CACNA2D2: variants seen among roughly 807,000 people sequenced by gnomAD.
The protein encoded by CACNA2D2 is calcium voltage-gated channel auxiliary subunit alpha2delta 2, also known as voltage-dependent calcium channel subunit alpha-2/delta-2.
CACNA2D2 carries 48 observed loss-of-function variants against 166.4 expected under a neutral mutation model. That is an observed-to-expected ratio of 0.29 (90% CI 0.23 to 0.37). CACNA2D2 has a LOEUF of 0.37. Among genes scored for constraint, CACNA2D2 ranks in the 10% least tolerant of loss-of-function variants. The probability of loss-of-function intolerance (pLI) is 1.00; values close to 1 mark genes in which losing one functional copy is unlikely to be tolerated. For synonymous variants in CACNA2D2, 561 were observed against 573.7 expected, an observed-to-expected ratio of 0.98 and a Z score of 0.32; for missense variants, 1,122 against 1,433.0, an observed-to-expected ratio of 0.78 and a Z score of 3.50.
At position 50,379,944 on chromosome 3, in the gene CACNA2D2, C is replaced by T. The variant is rs1189215929; in HGVS notation, c.893+24G>A. On this transcript the variant is annotated intron_variant, in intron 9 of 37. Transcript: ENST00000424201. This position sits in a 1 kb window ranked among gnomAD's most constrained non-coding sequence, Gnocchi z 6.5. ...CCATTGCCCGTCCCTGCCCCAGCCC[C>T]ACTTGCCAGCACTGCTCACTCACAC... 6.2e-7 allele frequency: 1 copy of T among 1,614,058 alleles called. No homozygotes were observed. The highest frequency in any genetic ancestry group is 8.5e-7 in the Non-Finnish European group (1 of 1,180,028).
chr3:50,368,196 G>C lies in CACNA2D2; in HGVS notation c.2085C>G (p.Thr695=). The C allele has an allele frequency of 6.2e-7, 1 of 1,613,798 alleles. No homozygotes were observed. ...GCTCAATAAAGTTTTTCAGGAACTC[G>C]GTGTTGTTGTCTGAGGCATTCAGGT... ...CKDLNASDNN[T]EFLKNFIELM... The change falls in exon 24 of 38, where the codon ACC becomes ACG. Residue 695 remains threonine, a synonymous_variant. Transcript: ENST00000424201.
At chr3:50,480,734 G>C (rs1164286193) in intron 1 of CACNA2D2, among the ~76,000 whole-genome samples, 6 of 141,958 alleles carry the variant, frequency 4.2e-5, no homozygotes, top group Non-Finnish European at 9.2e-5. Flanking sequence ...TAGAAGGCTG[G>C]GGGAGGCTGC....
At position 50,492,073 on chromosome 3, in the gene CACNA2D2, C is replaced by T. The variant is rs147504953; in HGVS notation, c.206+11145G>A. On this transcript the variant is annotated intron_variant, in intron 1 of 37. Transcript: ENST00000424201. ...CAGTGAGTAGGCAAAAGTATACCCC[C>T]ACTATAGGCAAGTACACCCCACCCT... 3.4e-3 allele frequency among the ~76,000 whole-genome samples: 515 copies of T among 152,340 alleles called. 9 individuals are homozygous for T. Among genetic ancestry groups the T allele is most frequent in the East Asian group, 0.016 (83 of 5,188 alleles).
In CACNA2D2 at chr3:50,375,008, A is replaced by G. The variant is rs1002566239; in HGVS notation, c.1908-195T>C. On this transcript the variant is annotated intron_variant, in intron 21 of 37. Coordinates refer to ENST00000424201, the MANE Select transcript of CACNA2D2 (RefSeq NM_006030.4). This position sits in a 1 kb window ranked among gnomAD's most constrained non-coding sequence, Gnocchi z 4.0. ...CACCCTGGAGGCTCTCCACTTCTCAAACTCTCCTGGGGGCCACCGGGCAAC... is the reference window on the plus strand; with the variant it reads ...CACCCTGGAGGCTCTCCACTTCTCAGACTCTCCTGGGGGCCACCGGGCAAC... Among the ~76,000 whole-genome samples the G allele has an allele frequency of 6.6e-6, 1 of 151,852 alleles. No homozygotes were observed. The highest frequency in any genetic ancestry group is 1.5e-5 in the Non-Finnish European group (1 of 67,928).
Position 50,380,929 on chromosome 3 carries a change from T to A in CACNA2D2, c.784+66A>T. 1.2e-5 allele frequency: 19 copies of A among 1,593,464 alleles called. No individual in the cohort carries two copies. Among genetic ancestry groups the A allele is most frequent in the Non-Finnish European group, 1.5e-5 (17 of 1,166,410 alleles). ...GCCACCCCGCCCCATGCCCCCAGGA[T>A]GGGTGGGCTGGTAGATGGAGAAAGG... On this transcript the variant is annotated intron_variant, in intron 7 of 37. Transcript: ENST00000424201. This position sits in a 1 kb window ranked among gnomAD's most constrained non-coding sequence, Gnocchi z 4.9.
Position 50,365,646 on chromosome 3 carries a change from G to T in CACNA2D2, c.2958C>A (p.Ser986Arg). ...AGCCCTACCTACCTGCTTGGAACCA[G>T]CTGTGGTAGATGAGGCCGTAGAGAA... ...QQLLYGLIYHSWFQADPAEAE... is the reference protein window; with the variant it reads ...QQLLYGLIYHRWFQADPAEAE... Residue 986 changes from serine (S) to arginine (R), a missense_variant, in exon 34 of 38, where the codon AGC becomes AGA. This residue lies in a region of CACNA2D2 where 282 missense variants were observed against 266.2 expected (regional missense o/e 1.06). Coordinates refer to ENST00000424201, the MANE Select transcript of CACNA2D2 (RefSeq NM_006030.4). This position sits in a 1 kb window ranked among gnomAD's most constrained non-coding sequence, Gnocchi z 4.5. The T allele has an allele frequency of 6.3e-7, 1 of 1,580,338 alleles. No homozygotes were observed. The highest frequency in any genetic ancestry group is 8.6e-7 in the Non-Finnish European group (1 of 1,163,242).
intron 2 of CACNA2D2, among the ~76,000 whole-genome samples, chr3:50,472,612 T>A (rs1275437057): frequency 6.6e-6 from 1 of 152,182 alleles, no homozygotes; most frequent in African/African-American, 2.4e-5. Context: ...TGTCTGACTA[T>A]AATCTCTCCT....
chr3:50,367,760 G>A lies in CACNA2D2; in HGVS notation c.2234+52C>T. The A allele has an allele frequency of 1.2e-6, 2 of 1,612,334 alleles. No individual in the cohort carries two copies. The highest frequency in any genetic ancestry group is 1.7e-6 in the Non-Finnish European group (2 of 1,178,846). On this transcript the variant is annotated intron_variant, in intron 25 of 37. Transcript: ENST00000424201. The surrounding 1 kb of genome is among the most constrained non-coding windows in gnomAD (Gnocchi z 6.5). ...CCTGCCTTCTGCTGGGCAGGTCCAG[G>A]GCCTCTGGGCCCATCCTAGCCTTCT...
At chr3:50,409,690 C>A (rs1706900246) in intron 3 of CACNA2D2, among the ~76,000 whole-genome samples, 1 of 152,192 alleles carries the variant, frequency 6.6e-6, no homozygotes, top group Non-Finnish European at 1.5e-5. Flanking sequence ...TCTCTGAGGG[C>A]AGGGTGGAAG....
chr3:50,434,485 T>C (rs539303984), intron 2 of CACNA2D2, 56 bp from the exon 3 acceptor site: 5 of 1,265,840 alleles, frequency 3.9e-6, no homozygotes, highest in Admixed American at 3.4e-5. Context: ...CCTCATGCCA[T>C]GGGCCCTGCA....
At chr3:50,455,176 C>T (rs1179974163) in intron 2 of CACNA2D2, among the ~76,000 whole-genome samples, 2 of 152,192 alleles carry the variant, frequency 1.3e-5, no homozygotes, top group African/African-American at 2.4e-5. Context: ...GAGCACTGTA[C>T]GCCCCCTGCA....
At chr3:50,496,429 C>G (rs537194443) in intron 1 of CACNA2D2, among the ~76,000 whole-genome samples, 4 of 152,188 alleles carry the variant, frequency 2.6e-5, no homozygotes, top group African/African-American at 9.7e-5. Context: ...GGTGTAGACA[C>G]GCCCACATAC....
At position 50,365,271 on chromosome 3, in the gene CACNA2D2, G is replaced by A. The variant is rs1704181745; in HGVS notation, c.3098+85C>T. On this transcript the variant is annotated intron_variant, in intron 35 of 37. Coordinates refer to ENST00000424201, the MANE Select transcript of CACNA2D2 (RefSeq NM_006030.4). The surrounding 1 kb of genome is among the most constrained non-coding windows in gnomAD (Gnocchi z 4.5). ...GCGGCCCCGCCCCCGGCCGCTCGGA[G>A]GCCCCGCCCCTTCCATCCTCCCGAG... 18 of 1,573,534 alleles carry A rather than the reference G, an allele frequency of 1.1e-5. No individual in the cohort carries two copies. Among genetic ancestry groups the A allele is most frequent in the Non-Finnish European group, 1.6e-5 (18 of 1,160,018 alleles).
rs767576198 is a variant in CACNA2D2 at position 50,374,766 on chromosome 3, T to C, written c.1955A>G (p.Asn652Ser). Residue 652 changes from asparagine (N) to serine (S), a missense_variant, in exon 22 of 38, where the codon AAT (asparagine) becomes AGT (serine). Around this residue, in one of 2 missense-constraint regions of CACNA2D2, gnomAD observed 840 missense variants for 1,166.8 expected, o/e 0.72. Coordinates refer to ENST00000424201, the MANE Select transcript of CACNA2D2 (RefSeq NM_006030.4). Reference sequence around the variant, plus strand: ...GACCTGCAGGATCTGGTCACTGAGATTGGCTTGGAGGTAGAAGGTGCTGTA... The same window carrying C: ...GACCTGCAGGATCTGGTCACTGAGACTGGCTTGGAGGTAGAAGGTGCTGTA... ...PPYSTFYLQANLSDQILQVKY... is the reference protein window; with the variant it reads ...PPYSTFYLQASLSDQILQVKY... 1.3e-6 allele frequency: 2 copies of C among 1,598,856 alleles called. No individual in the cohort carries two copies. Among genetic ancestry groups the C allele is most frequent in the Non-Finnish European group, 1.7e-6 (2 of 1,173,494 alleles).
At chr3:50,399,083 C>CCA (rs2106751727) in intron 3 of CACNA2D2, among the ~76,000 whole-genome samples, 2 of 152,288 alleles carry the variant, frequency 1.3e-5, no homozygotes, top group Admixed American at 1.3e-4. Context: ...CCCCTGCATG[C>CCA]CAGGAGGGGA....
chr3:50,438,392 G>C (rs79642742), intron 2 of CACNA2D2, among the ~76,000 whole-genome samples: 2,875 of 152,236 alleles, frequency 0.019, 48 homozygotes, highest in Non-Finnish European at 0.031. Flanking sequence ...AGGCATCAGG[G>C]CAAGTCCGGC....
At chr3:50,495,611 T>C (rs777482686) in intron 1 of CACNA2D2, among the ~76,000 whole-genome samples, 8 of 152,220 alleles carry the variant, frequency 5.3e-5, no homozygotes, top group South Asian at 4.1e-4. Flanking sequence ...CAAGGGATCA[T>C]CAAGCCAAAG....
intron 2 of CACNA2D2, among the ~76,000 whole-genome samples, chr3:50,441,167 G>A (rs1326886894): frequency 6.6e-6 from 1 of 152,100 alleles, no homozygotes; most frequent in Non-Finnish European, 1.5e-5. Flanking sequence ...ACCACAAGGT[G>A]AGAAAGGCCT....
intron 3 of CACNA2D2, among the ~76,000 whole-genome samples, chr3:50,398,673 A>G (rs1301380286): frequency 6.6e-6 from 1 of 152,124 alleles, no homozygotes; most frequent in African/African-American, 2.4e-5. Context: ...GCGGCTATGA[A>G]GTCACTGATG....
Sources: gnomAD v4.1 joint callset for allele counts (sites outside exome capture counted in the v4.1 genomes callset) on GRCh38, gnomAD v4.1.1 for gene constraint, gnomAD v4.1.1 regional missense constraint, Gnocchi (gnomAD v3.1) non-coding constraint, MANE v1.5 for transcripts, NCBI Gene and HGNC (gene_info 2026-07-23, HGNC 2026-07-21) for gene names.